ZNF365: variants seen among roughly 807,000 people sequenced by gnomAD.
The protein encoded by ZNF365 is zinc finger protein 365.
A neutral mutation model predicts 35.0 loss-of-function variants in ZNF365; 22 were observed. The ratio of observed to expected loss-of-function variants is 0.63; its 90% CI spans 0.45 to 0.90. The LOEUF (loss-of-function observed/expected upper bound fraction) is 0.90. ZNF365 is among the 40% of genes least tolerant of loss of function. ZNF365 has a pLI of 0.00. For synonymous variants in ZNF365, 188 were observed against 196.2 expected, an observed-to-expected ratio of 0.96 and a Z score of 0.35; for missense variants, 448 against 500.3, an observed-to-expected ratio of 0.90 and a Z score of 1.00.
intron 4 of ZNF365, among the ~76,000 whole-genome samples, chr10:62,472,154 T>C (rs566304097): frequency 6.6e-6 from 1 of 152,352 alleles, no homozygotes. Flanking sequence ...AGTGGTGCCC[T>C]TCAAGCTGAG....
At chr10:62,468,679 G>A (rs768804682) in intron 4 of ZNF365, among the ~76,000 whole-genome samples, 8 of 152,168 alleles carry the variant, frequency 5.3e-5, no homozygotes, top group Non-Finnish European at 8.8e-5. Flanking sequence ...TGTTGAAGAT[G>A]AAGCCTTCAG....
chr10:62,384,676 T>C (rs1387404420), intron 2 of ZNF365, among the ~76,000 whole-genome samples: 1 of 152,214 alleles, frequency 6.6e-6, no homozygotes, highest in Non-Finnish European at 1.5e-5. Flanking sequence ...TTAATAGCCT[T>C]CTCAGATAAT....
chr10:62,430,460 G>A (rs1406613405), intron 3 of ZNF365, among the ~76,000 whole-genome samples: 1 of 152,114 alleles, frequency 6.6e-6, no homozygotes, highest in Non-Finnish European at 1.5e-5. Flanking sequence ...GATTACAGGC[G>A]TGATGGAAAA....
chr10:62,448,792 CA>C (rs1461602967), intron 3 of ZNF365, among the ~76,000 whole-genome samples: 3 of 152,062 alleles, frequency 2.0e-5, no homozygotes, highest in Admixed American at 1.3e-4. Flanking sequence ...CAATTTTGCA[CA>C]GATACTAGCA....
chr10:62,463,861 G>T (rs1298264855), intron 4 of ZNF365, among the ~76,000 whole-genome samples: 1 of 152,140 alleles, frequency 6.6e-6, no homozygotes, highest in South Asian at 2.1e-4. Context: ...GCTTTTTCAA[G>T]GTTGCATCCA....
In ZNF365 at chr10:62,458,732, T is replaced by C. The variant is rs116119907; in HGVS notation, c.925-1009T>C. ...AATATTAGCTGAGTTTTTGGTCTTT[T>C]TTCCTACCTGAATGAACAAACTTCA... is the stretch of plus-strand genomic sequence containing the variant. On this transcript the variant is annotated intron_variant, in intron 3 of 4. Coordinates refer to the ZNF365 transcript ENST00000395255. Among the ~76,000 whole-genome samples the C allele has an allele frequency of 1.0e-2, 1,523 of 152,314 alleles. 20 individuals carry two copies. The highest frequency in any genetic ancestry group is 0.034 in the African/African-American group (1,429 of 41,560).
chr10:62,480,118 C>G, exon 5 of ZNF365: 1 of 1,334,026 alleles, frequency 7.5e-7, no homozygotes, highest in Non-Finnish European at 9.7e-7. Context: ...AGACTGCAGA[C>G]TTCCTGAGGG....
rs1839816812 is a variant in ZNF365 at position 62,400,851 on chromosome 10, A to G, written c.*1062A>G. The G allele has an allele frequency of 1.0e-6, 1 of 985,344 alleles. No homozygotes were observed. The highest frequency in any genetic ancestry group is 1.2e-6 in the Non-Finnish European group (1 of 829,938). 61.0% of individuals were successfully genotyped at this position (985,344 alleles called of 1,614,324 possible). ...GGCTTCAGGTATCTTTCAACCAAGT[A>G]TCTGGAGTGTTCACTCTATGTTGCA... On this transcript the variant is annotated 3_prime_UTR_variant, in exon 5 of 5. Coordinates refer to ENST00000395254, the MANE Select transcript of ZNF365 (RefSeq NM_014951.3).
intron 3 of ZNF365, among the ~76,000 whole-genome samples, chr10:62,411,949 C>A (rs1487198548): frequency 1.3e-5 from 2 of 151,802 alleles, no homozygotes; most frequent in African/African-American, 4.8e-5. Context: ...AGAACCTAAA[C>A]CAAACAAACC....
At chr10:62,427,826 T>C (rs1352137239) in intron 3 of ZNF365, among the ~76,000 whole-genome samples, 5 of 152,174 alleles carry the variant, frequency 3.3e-5, no homozygotes, top group Admixed American at 6.5e-5. Flanking sequence ...CTGGGGATCT[T>C]CTCTGTTTCT....
At chr10:62,452,074 G>T (rs969205690) in intron 3 of ZNF365, among the ~76,000 whole-genome samples, 3 of 152,168 alleles carry the variant, frequency 2.0e-5, no homozygotes, top group African/African-American at 7.2e-5. Flanking sequence ...ATTCCCGAAG[G>T]TCTATCTAGG....
chr10:62,446,601 G>A lies in ZNF365; in HGVS notation c.925-13140G>A, dbSNP rs551463780. On this transcript the variant is annotated intron_variant, in intron 3 of 4. Coordinates refer to the ZNF365 transcript ENST00000395255. ...CAGTTTCAGATACAGAGCTTCCAGGGATTTTTTTTCTTTATCATAATATAA... is the reference window on the plus strand; with the variant it reads ...CAGTTTCAGATACAGAGCTTCCAGGAATTTTTTTTCTTTATCATAATATAA... Among the ~76,000 whole-genome samples the A allele has an allele frequency of 8.3e-4, 69 of 82,638 alleles. 1 individual carries two copies. In the East Asian group the frequency reaches 0.022, roughly 26 times the overall value. 54.2% of individuals were successfully genotyped at this position (82,638 alleles called of 152,430 possible).
chr10:62,448,716 T>C (rs1840630480), intron 3 of ZNF365, among the ~76,000 whole-genome samples: 1 of 152,194 alleles, frequency 6.6e-6, no homozygotes, highest in Non-Finnish European at 1.5e-5. Context: ...ACTATGGATC[T>C]GGTAAGATGA....
At chr10:62,462,926 T>A (rs944675383) in intron 4 of ZNF365, among the ~76,000 whole-genome samples, 1 of 152,204 alleles carries the variant, frequency 6.6e-6, no homozygotes, top group Admixed American at 6.5e-5. Context: ...ATATGTCCCA[T>A]GAAAATACAT....
intron 2 of ZNF365, among the ~76,000 whole-genome samples, chr10:62,384,116 T>C (rs1264577372): frequency 1.3e-5 from 2 of 150,128 alleles, no homozygotes; most frequent in East Asian, 1.9e-4. Flanking sequence ...CCTTTTTTTT[T>C]TTTTTTAAAT....
In ZNF365 at chr10:62,434,133, G is replaced by A. The variant is rs142102085; in HGVS notation, c.925-25608G>A. 4.2e-3 allele frequency among the ~76,000 whole-genome samples: 645 copies of A among 152,296 alleles called. 6 individuals are homozygous for A. Among genetic ancestry groups the A allele is most frequent in the Admixed American group, 4.8e-3 (74 of 15,288 alleles). On this transcript the variant is annotated intron_variant, in intron 3 of 4. Coordinates refer to the ZNF365 transcript ENST00000395255. ...AAACCTGTCGGAATCCGAATCAGCA[G>A]GGTGAGGCCTGAGAATTGATATTTT...
chr10:62,466,155 C>A (rs61259183), intron 4 of ZNF365, among the ~76,000 whole-genome samples: 62,859 of 152,046 alleles, frequency 0.41, 15,807 homozygotes, highest in Middle Eastern at 0.57. Flanking sequence ...GAAGCCCAGA[C>A]CTTGGGGCTT....
intron 4 of ZNF365, among the ~76,000 whole-genome samples, chr10:62,460,682 G>A (rs562939131): frequency 6.6e-6 from 1 of 152,292 alleles, no homozygotes; most frequent in African/African-American, 2.4e-5. Flanking sequence ...TCAGGCTAAT[G>A]GGAACAATAG....
chr10:62,457,602 G>A (rs2132478283), intron 3 of ZNF365, among the ~76,000 whole-genome samples: 1 of 152,314 alleles, frequency 6.6e-6, no homozygotes. Flanking sequence ...TAGACTTACA[G>A]TTTTATTTCT....
Sources: allele counts gnomAD v4.1 joint callset (sites outside exome capture counted in the v4.1 genomes callset), GRCh38; gene constraint gnomAD v4.1.1; transcripts MANE v1.5; gene names NCBI Gene and HGNC (gene_info 2026-07-23, HGNC 2026-07-21).